The following ZFP82 variants were observed in gnomAD, a reference collection of about 807,000 sequenced individuals.
ZFP82 encodes the protein ZFP82 zinc finger protein.
ZFP82 carries 30 observed loss-of-function variants against 54.0 expected under a neutral mutation model. The observed-to-expected ratio is 0.56, with a 90% CI of 0.42 to 0.75. The LOEUF is 0.75. ZFP82 is among the 30% of genes least tolerant of loss of function. ZFP82 has a pLI of 0.00. For synonymous variants in ZFP82, 194 were observed against 209.5 expected, an observed-to-expected ratio of 0.93 and a Z score of 0.64; for missense variants, 500 against 636.8, an observed-to-expected ratio of 0.79 and a Z score of 2.31.
intron 4 of ZFP82, among the ~76,000 whole-genome samples, chr19:36,402,865 G>A (rs902623069): frequency 6.6e-5 from 10 of 151,870 alleles, no homozygotes; most frequent in South Asian, 2.1e-4. Flanking sequence ...ATGGCCAGGC[G>A]CGGTGGCTCA....
At chr19:36,405,553 G>A (rs1227710823) in intron 4 of ZFP82, 27 bp downstream of exon 4, 3 of 1,561,776 alleles carry the variant, frequency 1.9e-6, no homozygotes, top group Admixed American at 1.7e-5. Context: ...TGTGTTGATG[G>A]CTTCTTCCTG....
chr19:36,417,927 C>A (rs2032701058), intron 1 of ZFP82, among the ~76,000 whole-genome samples: 1 of 152,074 alleles, frequency 6.6e-6, no homozygotes, highest in South Asian at 2.1e-4. Context: ...ATCCCAAGGT[C>A]GGGTCTGAGC....
chr19:36,395,204 TTTTC>T (rs2032273222), intron 4 of ZFP82: 1 of 152,172 alleles, frequency 6.6e-6, no homozygotes, highest in Non-Finnish European at 1.5e-5. Flanking sequence ...ATGGGTAACT[TTTTC>T]TTTGTCTCTA....
chr19:36,404,641 T>C (rs2032448948), intron 4 of ZFP82, among the ~76,000 whole-genome samples: 1 of 152,208 alleles, frequency 6.6e-6, no homozygotes. Context: ...AATATGCATG[T>C]GCACAGTCTC....
In ZFP82 at chr19:36,393,086, A is replaced by G; in HGVS notation, c.1254T>C (p.Gly418=). Residue 418 remains glycine, a synonymous_variant, in exon 5 of 5, where the codon GGT becomes GGC. Transcript: ENST00000392161. ...ATTCCTTACAGTCATAGGGCTTAACACCAATATGAATACTCTGATGTGAAA... is the reference window on the plus strand; with the variant it reads ...ATTCCTTACAGTCATAGGGCTTAACGCCAATATGAATACTCTGATGTGAAA... ...QLISHQSIHI[G]VKPYDCKECG... 3.7e-6 allele frequency: 6 copies of G among 1,614,082 alleles called. No homozygotes were observed. Among genetic ancestry groups the G allele is most frequent in the Non-Finnish European group, 5.1e-6 (6 of 1,180,010 alleles).
At chr19:36,399,865 AGTTTG>A (rs922360833) in intron 4 of ZFP82, among the ~76,000 whole-genome samples, 6 of 152,216 alleles carry the variant, frequency 3.9e-5, no homozygotes, top group African/African-American at 7.2e-5. Context: ...TCATACTGCA[AGTTTG>A]GTTCCTATTC....
chr19:36,417,841 CGA>C (rs2032699226), intron 1 of ZFP82, among the ~76,000 whole-genome samples: 1 of 152,102 alleles, frequency 6.6e-6, no homozygotes, highest in African/African-American at 2.4e-5. Context: ...TCCGGGTCCG[CGA>C]GGAGGTGGTG....
chr19:36,411,518 G>C (rs184366796), intron 1 of ZFP82, among the ~76,000 whole-genome samples: 2 of 151,984 alleles, frequency 1.3e-5, no homozygotes, highest in African/African-American at 2.4e-5. Flanking sequence ...TTTAAACCAC[G>C]CATACTCTTT....
At chr19:36,405,536 G>A (rs1386891599) in intron 4 of ZFP82, 44 bp downstream of exon 4, 1 of 1,432,818 alleles carries the variant, frequency 7.0e-7, no homozygotes, top group Non-Finnish European at 9.8e-7. Flanking sequence ...AGTGATCTGG[G>A]GTTCCCTGTG....
At chr19:36,385,662 T>C (rs2032107212), downstream of ZFP82, among the ~76,000 whole-genome samples, 2 of 152,246 alleles carry the variant, frequency 1.3e-5, no homozygotes, top group Admixed American at 6.5e-5. Flanking sequence ...AATATAGGGA[T>C]GGCAAAGGCA....
chr19:36,397,363 G>C (rs1286608111), intron 4 of ZFP82, among the ~76,000 whole-genome samples: 1 of 152,020 alleles, frequency 6.6e-6, no homozygotes, highest in African/African-American at 2.4e-5. Context: ...AAAGTGCAGG[G>C]ATTACAGGCG....
chr19:36,408,097 C>A, intron 2 of ZFP82, 84 bp from the exon 3 acceptor site: 3 of 1,476,012 alleles, frequency 2.0e-6, no homozygotes, highest in Non-Finnish European at 2.8e-6. Flanking sequence ...AGAGATATTG[C>A]AGGAAGTGGA....
chr19:36,416,965 T>C (rs112241427), intron 1 of ZFP82, among the ~76,000 whole-genome samples: 5,779 of 106,752 alleles, frequency 0.054, 347 homozygotes, highest in African/African-American at 0.16. Context: ...CCCAGCTACT[T>C]GGGAGGCTGA....
At chr19:36,405,305 G>T (rs2032461887) in intron 4 of ZFP82, among the ~76,000 whole-genome samples, 1 of 151,870 alleles carries the variant, frequency 6.6e-6, no homozygotes, top group African/African-American at 2.4e-5. Context: ...TAAGGAGGAG[G>T]AAAACTAGAG....
chr19:36,409,766 G>A lies in ZFP82; in HGVS notation c.9+15C>T, dbSNP rs1165539011. On this transcript the variant is annotated intron_variant, in intron 2 of 4. Coordinates refer to ENST00000392161, the MANE Select transcript of ZFP82 (RefSeq NM_133466.4). Reference sequence around the variant, plus strand: ...CTTAACATGATAGTATTCCTAGGAGGAGAAAAAAACTTACAAGGGCCATGG... The same window carrying A: ...CTTAACATGATAGTATTCCTAGGAGAAGAAAAAAACTTACAAGGGCCATGG... The A allele has an allele frequency of 1.9e-6, 3 of 1,613,458 alleles. No homozygotes were observed. Among genetic ancestry groups the A allele is most frequent in the Admixed American group, 1.7e-5 (1 of 59,974 alleles).
chr19:36,387,236 T>C (rs1168413038), downstream of ZFP82, among the ~76,000 whole-genome samples: 1 of 152,210 alleles, frequency 6.6e-6, no homozygotes, highest in Non-Finnish European at 1.5e-5. Context: ...GTATTTTGCA[T>C]GTGAGAAGAA....
chr19:36,416,262 T>C (rs1300114608), intron 1 of ZFP82, among the ~76,000 whole-genome samples: 2 of 152,214 alleles, frequency 1.3e-5, no homozygotes, highest in Non-Finnish European at 2.9e-5. Flanking sequence ...TGAAAAACAT[T>C]CTCAAAGGTT....
At chr19:36,386,829 G>C (rs1016246124), downstream of ZFP82, among the ~76,000 whole-genome samples, 1 of 152,184 alleles carries the variant, frequency 6.6e-6, no homozygotes, top group Non-Finnish European at 1.5e-5. Context: ...CCAGCTACTC[G>C]GGAGGCTGAG....
chr19:36,397,035 G>A (rs1054054937), intron 4 of ZFP82, among the ~76,000 whole-genome samples: 17 of 150,304 alleles, frequency 1.1e-4, no homozygotes, highest in Admixed American at 7.9e-4. Flanking sequence ...AATATTAACC[G>A]ATATAAAAGC....
Sources: allele counts gnomAD v4.1 joint callset (sites outside exome capture counted in the v4.1 genomes callset), GRCh38; gene constraint gnomAD v4.1.1; transcripts MANE v1.5; gene names NCBI Gene and HGNC (gene_info 2026-07-23, HGNC 2026-07-21).